Variants in RGS7 observed in about 807,000 individuals in gnomAD.
RGS7 encodes regulator of G protein signaling 7.
A neutral mutation model predicts 81.1 loss-of-function variants in RGS7; 27 were observed. That is an observed-to-expected ratio of 0.33 (90% CI 0.25 to 0.46). The LOEUF (loss-of-function observed/expected upper bound fraction) is 0.46. Ranked by LOEUF, RGS7 falls within the 20% of genes least tolerant of loss-of-function variation. The pLI, the probability that RGS7 is intolerant of heterozygous loss-of-function variation, is 1.00. For synonymous variants in RGS7, 208 were observed against 207.7 expected (o/e 1.00, Z -0.01); for missense variants, 396 against 607.4 (o/e 0.65, Z 3.66).
At chr1:241,272,518 C>A (rs528723581) in intron 2 of RGS7, among the ~76,000 whole-genome samples, 2 of 152,206 alleles carry the variant, frequency 1.3e-5, no homozygotes, top group Non-Finnish European at 2.9e-5. Context: ...ATTATGGCAT[C>A]TCATATGTGC....
chr1:241,167,984 A>G (rs1001252938), intron 2 of RGS7, among the ~76,000 whole-genome samples: 3 of 151,824 alleles, frequency 2.0e-5, no homozygotes, highest in Non-Finnish European at 4.4e-5. Flanking sequence ...TGTCTTCAAG[A>G]CTCTTGTGAA....
intron 2 of RGS7, among the ~76,000 whole-genome samples, chr1:241,209,421 G>C (rs2074115048): frequency 6.6e-6 from 1 of 152,188 alleles, no homozygotes; most frequent in South Asian, 2.1e-4. Flanking sequence ...ATAAACATTA[G>C]TACAAATAAG....
At chr1:241,125,934 C>T (rs150483544) in intron 2 of RGS7, among the ~76,000 whole-genome samples, 8 of 152,172 alleles carry the variant, frequency 5.3e-5, no homozygotes, top group East Asian at 3.9e-4. Flanking sequence ...ATCTCCAGTG[C>T]GCAGATGGAG....
intron 9 of RGS7, among the ~76,000 whole-genome samples, chr1:240,861,130 G>A (rs1016851188): frequency 2.0e-5 from 3 of 152,098 alleles, no homozygotes; most frequent in East Asian, 1.9e-4. Flanking sequence ...CAGGGTCAAC[G>A]AAAATGCTAC....
chr1:241,303,597 C>G (rs184285048), intron 2 of RGS7, among the ~76,000 whole-genome samples: 102 of 152,264 alleles, frequency 6.7e-4, no homozygotes, highest in Middle Eastern at 3.4e-3. Context: ...CTTTGGTAAA[C>G]CTTTTTTTCA....
chr1:241,220,953 G>GAAA (rs1257261263), intron 2 of RGS7, among the ~76,000 whole-genome samples: 1 of 15,844 alleles, frequency 6.3e-5, no homozygotes, highest in Non-Finnish European at 1.6e-4. Context: ...GAAGAAGCAA[G>GAAA]GAAGGAAGGA....
chr1:240,940,054 T>C (rs907828723), intron 4 of RGS7, among the ~76,000 whole-genome samples: 2 of 152,152 alleles, frequency 1.3e-5, no homozygotes, highest in Non-Finnish European at 2.9e-5. Context: ...CACTCCAGCC[T>C]GGGCGACAGA....
chr1:241,314,892 C>A (rs2080772101), intron 2 of RGS7, among the ~76,000 whole-genome samples: 1 of 152,054 alleles, frequency 6.6e-6, no homozygotes, highest in South Asian at 2.1e-4. Context: ...ATGAGAGCCA[C>A]TTGGGAGCCC....
At chr1:241,320,642 A>G (rs2081153599) in intron 2 of RGS7, among the ~76,000 whole-genome samples, 1 of 152,242 alleles carries the variant, frequency 6.6e-6, no homozygotes, top group South Asian at 2.1e-4. Context: ...AATAAGCATT[A>G]ACTGATGGCA....
chr1:241,098,683 A>G lies in RGS7; in HGVS notation c.158T>C (p.Ile53Thr). The G allele has an allele frequency of 5.0e-6, 8 of 1,612,824 alleles. No individual in the cohort carries two copies. Among genetic ancestry groups the G allele is most frequent in the Non-Finnish European group, 6.8e-6 (8 of 1,178,958 alleles). Reference sequence around the variant, plus strand: ...AGACTTACCAGAGAAGACGCTAGGTATCTTGGAAAGAAAGCTTTTGACCGT... The same window carrying G: ...AGACTTACCAGAGAAGACGCTAGGTGTCTTGGAAAGAAAGCTTTTGACCGT... ...IRTVKSFLSKIPSVFSGSDIV... is the reference protein window; with the variant it reads ...IRTVKSFLSKTPSVFSGSDIV... Residue 53 changes from isoleucine to threonine, a missense_variant, in exon 3 of 19, where the codon ATA becomes ACA. Coordinates refer to ENST00000440928, the MANE Select transcript of RGS7 (RefSeq NM_001364886.1).
intron 3 of RGS7, among the ~76,000 whole-genome samples, chr1:241,018,795 G>A (rs541446024): frequency 2.0e-5 from 3 of 151,906 alleles, no homozygotes; most frequent in East Asian, 1.9e-4. Flanking sequence ...TCCATTCATC[G>A]CTTCAGTGTT....
chr1:241,085,804 T>A (rs552346425), intron 3 of RGS7, among the ~76,000 whole-genome samples: 1 of 152,324 alleles, frequency 6.6e-6, no homozygotes, highest in African/African-American at 2.4e-5. Flanking sequence ...GGTTTGGACT[T>A]CATGTGCTGA....
chr1:240,957,045 T>C (rs1680553421), intron 4 of RGS7, among the ~76,000 whole-genome samples: 1 of 152,172 alleles, frequency 6.6e-6, no homozygotes, highest in African/African-American at 2.4e-5. Context: ...AAAGTATTGT[T>C]CCTGCGTGCG....
At chr1:241,115,814 T>C (rs1002053821) in intron 2 of RGS7, among the ~76,000 whole-genome samples, 22 of 152,170 alleles carry the variant, frequency 1.4e-4, no homozygotes, top group African/African-American at 5.3e-4. Flanking sequence ...CCAAATCTTA[T>C]GTGACCTATT....
At chr1:240,863,624 T>C (rs962167052) in intron 9 of RGS7, among the ~76,000 whole-genome samples, 90 of 152,320 alleles carry the variant, frequency 5.9e-4, no homozygotes, top group African/African-American at 2.0e-3. Context: ...GTGTATATTG[T>C]ATAAACATCC....
At chr1:240,809,824 T>C (rs1277460902) in intron 14 of RGS7, among the ~76,000 whole-genome samples, 4 of 152,162 alleles carry the variant, frequency 2.6e-5, no homozygotes, top group Non-Finnish European at 5.9e-5. Flanking sequence ...AAACATATGA[T>C]AGGCAATATA....
chr1:240,837,094 C>CATGTTTA (rs1207208396), intron 9 of RGS7, among the ~76,000 whole-genome samples: 3 of 152,200 alleles, frequency 2.0e-5, no homozygotes, highest in African/African-American at 7.2e-5. Flanking sequence ...TGGGATTACC[C>CATGTTTA]ATGTTTAATG....
Position 240,814,693 on chromosome 1 carries a change from TACAG to T in RGS7, c.845+19_845+22del. Reference sequence around the variant, plus strand: ...TTGTCATATGAAATTTTAAAATTTATACAGACACTTTGAAATACTCACCTGTCAG... The same window carrying T: ...TTGTCATATGAAATTTTAAAATTTATACACTTTGAAATACTCACCTGTCAG... On this transcript the variant is annotated intron_variant, in intron 12 of 18. Transcript: ENST00000440928. 1 of 1,467,146 alleles carries T rather than the reference TACAG, an allele frequency of 6.8e-7. No homozygotes were observed. Among genetic ancestry groups the T allele is most frequent in the Non-Finnish European group, 9.5e-7 (1 of 1,047,360 alleles). The allele number at this position is 1,467,146 out of a possible 1,614,324, so 90.9% of individuals were successfully genotyped here.
intron 2 of RGS7, among the ~76,000 whole-genome samples, chr1:241,120,173 A>G (rs1170394219): frequency 1.3e-5 from 2 of 152,162 alleles, no homozygotes; most frequent in African/African-American, 4.8e-5. Flanking sequence ...TCATTTTCCC[A>G]GGTGAGCCAT....
Sources: allele counts gnomAD v4.1 joint callset (sites outside exome capture counted in the v4.1 genomes callset), GRCh38; gene constraint gnomAD v4.1.1; transcripts MANE v1.5; gene names NCBI Gene and HGNC (gene_info 2026-07-23, HGNC 2026-07-21).